SRGAP1: variants seen among roughly 807,000 people sequenced by gnomAD.
The protein encoded by SRGAP1 is SLIT-ROBO Rho GTPase-activating protein 1.
SRGAP1 carries 43 observed loss-of-function variants against 121.9 expected under a neutral mutation model. The ratio of observed to expected loss-of-function variants is 0.35; its 90% CI spans 0.28 to 0.46. The LOEUF is 0.46. Among genes scored for constraint, SRGAP1 ranks in the 20% least tolerant of loss-of-function variants. The pLI, the probability that SRGAP1 is intolerant of heterozygous loss-of-function variation, is 1.00. For synonymous variants in SRGAP1, 447 were observed against 485.4 expected (o/e 0.92, Z 1.04); for missense variants, 1,102 against 1,350.9 (o/e 0.82, Z 2.89).
At chr12:63,983,862 A>G (rs2033342916) in intron 1 of SRGAP1, 85 bp from the exon 2 acceptor site, 1 of 165,474 alleles carries the variant, frequency 6.0e-6, no homozygotes, top group Non-Finnish European at 1.1e-5. Flanking sequence ...ATATTTATAT[A>G]TATTTCGTGA....
At chr12:63,964,242 A>G (rs2032721893) in intron 1 of SRGAP1, among the ~76,000 whole-genome samples, 1 of 152,226 alleles carries the variant, frequency 6.6e-6, no homozygotes, top group Non-Finnish European at 1.5e-5. Context: ...TTCCTACAAA[A>G]TAGAATTGTG....
chr12:63,852,108 T>G (rs1046239623), intron 1 of SRGAP1, among the ~76,000 whole-genome samples: 1 of 152,148 alleles, frequency 6.6e-6, no homozygotes, highest in African/African-American at 2.4e-5. Context: ...TCCTGCCACC[T>G]CAGCCTCCTG....
At chr12:63,997,882 T>C (rs961488929) in intron 3 of SRGAP1, among the ~76,000 whole-genome samples, 1 of 152,188 alleles carries the variant, frequency 6.6e-6, no homozygotes, top group African/African-American at 2.4e-5. Flanking sequence ...AGATTCTACA[T>C]GGGCTCCAAC....
intron 1 of SRGAP1, among the ~76,000 whole-genome samples, chr12:63,868,569 C>T (rs1206147388): frequency 2.0e-5 from 3 of 152,036 alleles, no homozygotes; most frequent in East Asian, 3.9e-4. Context: ...GCTATGTTGC[C>T]CAGGCTGGCC....
At position 64,152,758 on chromosome 12, in the gene SRGAP1, C is replaced by T. The variant is rs190761164; in HGVS notation, c.*10086C>T. On this transcript the variant is annotated 3_prime_UTR_variant, in exon 22 of 22. Coordinates refer to ENST00000355086, the MANE Select transcript of SRGAP1 (RefSeq NM_020762.4). ...CATTCCAAACCCAACAAAATGGTTA[C>T]ATCCTTCATGAAGGGTTCCCCAAAC... 1.1e-4 allele frequency: 16 copies of T among 152,184 alleles called. No individual in the cohort carries two copies. The highest frequency in any genetic ancestry group is 3.1e-4 in the African/African-American group (13 of 41,512). 9.4% of individuals were successfully genotyped at this position (152,184 alleles called of 1,614,324 possible).
intron 11 of SRGAP1, 32 bp from the exon 12 acceptor site, chr12:64,091,244 C>T (rs769447692): frequency 1.4e-6 from 2 of 1,451,974 alleles, no homozygotes; most frequent in Non-Finnish European, 1.9e-6. Flanking sequence ...TTGATTTCTG[C>T]CATGCTCAGT....
At chr12:64,141,493 T>C (rs1275586320) in intron 21 of SRGAP1, among the ~76,000 whole-genome samples, 1 of 151,770 alleles carries the variant, frequency 6.6e-6, no homozygotes, top group Admixed American at 6.6e-5. Flanking sequence ...GGCAGGAGAA[T>C]TGTTTGAACC....
At chr12:63,960,517 G>T (rs1399704579) in intron 1 of SRGAP1, among the ~76,000 whole-genome samples, 1 of 151,752 alleles carries the variant, frequency 6.6e-6, no homozygotes, top group Non-Finnish European at 1.5e-5. Context: ...TCCTTCTCTG[G>T]CTCTCTCTTG....
intron 18 of SRGAP1, among the ~76,000 whole-genome samples, chr12:64,116,995 G>A (rs1173621255): frequency 3.3e-5 from 5 of 152,316 alleles, no homozygotes; most frequent in Non-Finnish European, 5.9e-5. Flanking sequence ...AGCAGGCTCT[G>A]GGGCATTAGG....
At chr12:64,040,936 CAA>C (rs2035005047) in intron 4 of SRGAP1, among the ~76,000 whole-genome samples, 2 of 152,096 alleles carry the variant, frequency 1.3e-5, no homozygotes, top group Admixed American at 1.3e-4. Context: ...AAATATGACA[CAA>C]TTTTGTACAC....
intron 1 of SRGAP1, among the ~76,000 whole-genome samples, chr12:63,907,561 T>C (rs1219814964): frequency 6.6e-6 from 1 of 151,850 alleles, no homozygotes; most frequent in East Asian, 1.9e-4. Flanking sequence ...TAAAGTAAAA[T>C]AAAAAATTGA....
In SRGAP1 at chr12:64,062,999, G is replaced by C; in HGVS notation, c.884G>C (p.Arg295Thr). Residue 295 changes from arginine to threonine, a missense_variant, in exon 7 of 22, where the codon AGA (arginine) becomes ACA (threonine). By Grantham distance (71) the Arg-to-Thr change is moderately conservative. Transcript: ENST00000355086. ...LSAEYNLETS[R>T]HEGLDIIENA... Reference sequence around the variant, plus strand: ...GCGGAGTACAACCTTGAAACCTCCAGACATGAGGGCTTAGACATTATTGAG... The same window carrying C: ...GCGGAGTACAACCTTGAAACCTCCACACATGAGGGCTTAGACATTATTGAG... 6.2e-7 allele frequency: 1 copy of C among 1,614,088 alleles called. No individual in the cohort carries two copies. Among genetic ancestry groups the C allele is most frequent in the Middle Eastern group, 1.6e-4 (1 of 6,062 alleles).
At chr12:63,991,796 T>C (rs2033562790) in intron 3 of SRGAP1, among the ~76,000 whole-genome samples, 1 of 152,222 alleles carries the variant, frequency 6.6e-6, no homozygotes, top group Non-Finnish European at 1.5e-5. Context: ...AGACAGGGCC[T>C]CTAGGACCAG....
intron 1 of SRGAP1, among the ~76,000 whole-genome samples, chr12:63,902,057 G>C (rs1429721254): frequency 2.6e-5 from 4 of 152,198 alleles, no homozygotes; most frequent in South Asian, 4.1e-4. Flanking sequence ...GCTCACGCCT[G>C]TAATCCCAGT....
chr12:63,884,922 G>A (rs1047154664), intron 1 of SRGAP1, among the ~76,000 whole-genome samples: 2 of 151,760 alleles, frequency 1.3e-5, no homozygotes, highest in Non-Finnish European at 2.9e-5. Flanking sequence ...GGGTTTCACC[G>A]CATTAGCCAG....
intron 8 of SRGAP1, among the ~76,000 whole-genome samples, chr12:64,071,880 A>C (rs78281044): frequency 0.011 from 1,307 of 114,812 alleles, 8 homozygotes; most frequent in African/African-American, 0.013. Flanking sequence ...ACCCCCCCCC[A>C]AAAAAAAAAG....
At chr12:63,907,133 G>T (rs2030251503) in intron 1 of SRGAP1, among the ~76,000 whole-genome samples, 1 of 152,092 alleles carries the variant, frequency 6.6e-6, no homozygotes, top group Non-Finnish European at 1.5e-5. Context: ...TCTCATTGTG[G>T]TTTTGATTTG....
intron 21 of SRGAP1, among the ~76,000 whole-genome samples, chr12:64,141,817 A>C (rs981231702): frequency 6.6e-6 from 1 of 151,934 alleles, no homozygotes; most frequent in Non-Finnish European, 1.5e-5. Context: ...CAGCTGTGGT[A>C]GCACACACCT....
intron 1 of SRGAP1, among the ~76,000 whole-genome samples, chr12:63,977,899 G>A (rs2033135657): frequency 6.6e-6 from 1 of 152,102 alleles, no homozygotes; most frequent in South Asian, 2.1e-4. Flanking sequence ...ACTGCTTACA[G>A]CCTCCTCAGA....
Sources: allele counts gnomAD v4.1 joint callset (sites outside exome capture counted in the v4.1 genomes callset), GRCh38; gene constraint gnomAD v4.1.1; transcripts MANE v1.5; gene names NCBI Gene and HGNC (gene_info 2026-07-23, HGNC 2026-07-21).